MRI1: variants seen among roughly 807,000 people sequenced by gnomAD.
The protein encoded by MRI1 is methylthioribose-1-phosphate isomerase.
A neutral mutation model predicts 27.3 loss-of-function variants in MRI1; 32 were observed. The ratio of observed to expected loss-of-function variants is 1.17; its 90% CI spans 0.88 to 1.57. MRI1 has a LOEUF of 1.57. Ranked by LOEUF, MRI1 falls within the 40% of genes most tolerant of loss-of-function variation. The probability of loss-of-function intolerance (pLI) is 0.00; values close to 1 mark genes in which losing one functional copy is unlikely to be tolerated. For missense variants in MRI1, 508 were observed against 516.1 expected, an observed-to-expected ratio of 0.98 and a Z score of 0.15; for synonymous variants, 216 against 227.4, an observed-to-expected ratio of 0.95 and a Z score of 0.45.
intron 2 of MRI1, 118 bp from the exon 3 acceptor site, chr19:13,765,836 A>G: frequency 8.4e-7 from 1 of 1,184,392 alleles, no homozygotes; most frequent in Non-Finnish European, 1.2e-6. Flanking sequence ...TCCAGGCCCC[A>G]CAGCAATGAG....
chr19:13,767,529 G>A (rs1403227733), intron 3 of MRI1, among the ~76,000 whole-genome samples: 1 of 152,024 alleles, frequency 6.6e-6, no homozygotes, highest in Non-Finnish European at 1.5e-5. Flanking sequence ...GCAAGACCCT[G>A]TCTCTATTTT....
At chr19:13,765,185 A>C in intron 2 of MRI1, 76 bp downstream of exon 2, 1 of 1,214,388 alleles carries the variant, frequency 8.2e-7, no homozygotes, top group Non-Finnish European at 1.1e-6. Context: ...GACCCACTAT[A>C]CAGATGGGGA....
intron 3 of MRI1, among the ~76,000 whole-genome samples, chr19:13,767,529 GT>G (rs1178052314): frequency 6.6e-6 from 1 of 152,024 alleles, no homozygotes; most frequent in Non-Finnish European, 1.5e-5. Flanking sequence ...GCAAGACCCT[GT>G]CTCTATTTTT....
intron 3 of MRI1, among the ~76,000 whole-genome samples, chr19:13,767,052 T>A (rs1325103743): frequency 1.7e-3 from 147 of 84,654 alleles, no homozygotes; most frequent in African/African-American, 6.5e-3. Context: ...TTTTTTTTTT[T>A]TTTTTTTTTT....
At chr19:13,764,811 G>T (rs1324271881) in intron 1 of MRI1, 60 bp from the exon 2 acceptor site, 4 of 1,229,556 alleles carry the variant, frequency 3.3e-6, no homozygotes, top group African/African-American at 1.7e-5. Context: ...GGGCGGCCGG[G>T]TTGGAGGTGG....
In MRI1 at chr19:13,764,558, T is replaced by G; in HGVS notation, c.-31T>G. 1 of 1,600,056 alleles carries G rather than the reference T, an allele frequency of 6.2e-7. No individual in the cohort carries two copies. ...AAGTGCGCGCGGACCCCTAGCTCCC[T>G]CTGAGTTGCGCTGGGCTTGGCTGCT... On this transcript the variant is annotated 5_prime_UTR_variant, in exon 1 of 6. Coordinates refer to ENST00000040663, the MANE Select transcript of MRI1 (RefSeq NM_001031727.4).
intron 3 of MRI1, among the ~76,000 whole-genome samples, chr19:13,767,861 CTTT>C (rs1170108927): frequency 0.016 from 979 of 61,064 alleles, 13 homozygotes; most frequent in African/African-American, 0.072. Context: ...TCTTTCTTTC[CTTT>C]TTTTTTTTTT....
intron 3 of MRI1, 132 bp downstream of exon 3, chr19:13,766,261 C>A: frequency 1.3e-6 from 1 of 785,234 alleles, no homozygotes; most frequent in Non-Finnish European, 1.9e-6. Context: ...TACGGAAACA[C>A]TTATACAGTT....
chr19:13,770,799 C>T (rs1008355400), intron 5 of MRI1, among the ~76,000 whole-genome samples: 14 of 152,244 alleles, frequency 9.2e-5, no homozygotes, highest in African/African-American at 3.1e-4. Flanking sequence ...AGGAGAATTG[C>T]TTGAACCCGG....
At chr19:13,767,716 G>A (rs534626781) in intron 3 of MRI1, among the ~76,000 whole-genome samples, 2 of 152,034 alleles carry the variant, frequency 1.3e-5, no homozygotes, top group South Asian at 4.2e-4. Context: ...ACTGAGATGG[G>A]AGGATTGCTT....
chr19:13,772,075 A>G, intron 5 of MRI1, 46 bp from the exon 6 acceptor site: 1 of 1,552,198 alleles, frequency 6.4e-7, no homozygotes, highest in Non-Finnish European at 8.7e-7. Context: ...GAGAACTTTC[A>G]CAGAAGCAAA....
At chr19:13,768,468 G>T in intron 3 of MRI1, 93 bp from the exon 4 acceptor site, 3 of 1,580,268 alleles carry the variant, frequency 1.9e-6, no homozygotes, top group African/African-American at 1.4e-5. Flanking sequence ...GGCAATCCAC[G>T]CCCAGACTAG....
Position 13,768,985 on chromosome 19 carries a change from A to C in MRI1, c.886A>C (p.Ile296Leu), listed in dbSNP as rs1044738547. 3.1e-6 allele frequency: 5 copies of C among 1,613,930 alleles called. No homozygotes were observed. The highest frequency in any genetic ancestry group is 1.3e-5 in the African/African-American group (1 of 74,940). Residue 296 changes from isoleucine (I) to leucine (L), a missense_variant, in exon 5 of 6, where the codon ATT becomes CTT. Transcript: ENST00000040663. ...CCGTCTGGAGACCGGCAAGGAGATC[A>C]TTATTGAAGAGCGACCGGGCCAGGA... The part of the protein sequence containing the change: ...DLRLETGKEI[I>L]IEERPGQELT...
rs753566832 is a variant in MRI1 at position 13,768,878 on chromosome 19, T to C, written c.779T>C (p.Val260Ala). 1 of 1,613,602 alleles carries C rather than the reference T, an allele frequency of 6.2e-7. No homozygotes were observed. Among genetic ancestry groups the C allele is most frequent in the Non-Finnish European group, 8.5e-7 (1 of 1,179,706 alleles). ...VVANGDTANK[V>A]GTYQLAIVAK... Reference sequence around the variant, plus strand: ...GCCAACGGCGACACAGCCAACAAGGTGGGCACCTACCAGCTGGCCATTGTC... The same window carrying C: ...GCCAACGGCGACACAGCCAACAAGGCGGGCACCTACCAGCTGGCCATTGTC... The change falls in exon 5 of 6, where the codon GTG becomes GCG. Residue 260 changes from valine (V) to alanine (A), a missense_variant. Transcript: ENST00000040663.
intron 3 of MRI1, among the ~76,000 whole-genome samples, chr19:13,767,027 ATATATATATATTTTTTTTTT>A (rs1477379373): frequency 0.058 from 986 of 17,134 alleles, 8 homozygotes; most frequent in East Asian, 0.27. Flanking sequence ...ATATATATAT[ATATATATATATTTTTTTTTT>A]TTTTTTTTTT....
At chr19:13,767,027 ATATATATATATTTTTTTTTTTTTTT>A (rs1214099189) in intron 3 of MRI1, among the ~76,000 whole-genome samples, 435 of 17,556 alleles carry the variant, frequency 0.025, 10 homozygotes, top group African/African-American at 0.079. Flanking sequence ...ATATATATAT[ATATATATATATTTTTTTTTTTTTTT>A]TTTTTTTTTT....
In MRI1 at chr19:13,765,969, C is replaced by T. The variant is rs772037002; in HGVS notation, c.387C>T (p.Thr129=). ...GTCACCCCAGAGTGATCTGCTGCAC[C>T]GAGGACATGCTGGAGAAAGACCTCA... ...EAVRERVICC[T]EDMLEKDLRD... is the part of the protein sequence containing the mutation. Residue 129 remains threonine (T), a synonymous_variant, in exon 3 of 6, where the codon ACC becomes ACT. Coordinates refer to ENST00000040663, the MANE Select transcript of MRI1 (RefSeq NM_001031727.4). 62 of 1,605,326 alleles carry T rather than the reference C, an allele frequency of 3.9e-5. No individual in the cohort carries two copies. Among genetic ancestry groups the T allele is most frequent in the South Asian group, 6.7e-5 (6 of 90,090 alleles).
intron 5 of MRI1, among the ~76,000 whole-genome samples, chr19:13,769,416 TGCCTC>T (rs1974223335): frequency 2.0e-5 from 3 of 152,038 alleles, no homozygotes; most frequent in Non-Finnish European, 4.4e-5. Flanking sequence ...AGCCTGCCTC[TGCCTC>T]CCAAAGCGCT....
In MRI1 at chr19:13,772,175, G is replaced by A; in HGVS notation, c.1004G>A (p.Gly335Asp). The change falls in exon 6 of 6, where the codon GGT becomes GAT. Residue 335 changes from glycine to aspartate, a missense_variant. This residue lies in a region of MRI1 where 457 missense variants were observed against 452.8 expected (regional missense o/e 1.01). Coordinates refer to ENST00000040663, the MANE Select transcript of MRI1 (RefSeq NM_001031727.4). ...FDVTPHDLIT[G>D]GIITELGVFA... ...GTCACCCCCCACGACCTCATCACTGGTGGCATCATCACAGAACTGGGGGTC... is the reference window on the plus strand; with the variant it reads ...GTCACCCCCCACGACCTCATCACTGATGGCATCATCACAGAACTGGGGGTC... 3.1e-6 allele frequency: 5 copies of A among 1,614,028 alleles called. No homozygotes were observed. Among genetic ancestry groups the A allele is most frequent in the Non-Finnish European group, 4.2e-6 (5 of 1,179,980 alleles).
Sources: allele counts gnomAD v4.1 joint callset (sites outside exome capture counted in the v4.1 genomes callset), GRCh38; gene constraint gnomAD v4.1.1; regional missense constraint gnomAD v4.1.1; transcripts MANE v1.5; gene names NCBI Gene and HGNC (gene_info 2026-07-23, HGNC 2026-07-21).